OGDH: variants seen among roughly 807,000 people sequenced by gnomAD.
The protein encoded by OGDH is 2-oxoglutarate dehydrogenase complex component E1.
OGDH carries 38 observed loss-of-function variants against 116.6 expected under a neutral mutation model. The ratio of observed to expected loss-of-function variants is 0.33; its 90% confidence interval spans 0.25 to 0.43. The LOEUF (loss-of-function observed/expected upper bound fraction) is 0.43. OGDH is among the 20% of genes least tolerant of loss of function. The pLI is 1.00. For synonymous variants in OGDH, 488 were observed against 533.3 expected, an observed-to-expected ratio of 0.92 and a Z score of 1.17; for missense variants, 825 against 1,357.2, an observed-to-expected ratio of 0.61 and a Z score of 6.16.
At chr7:44,609,293 G>A (rs1784472215) in intron 1 of OGDH, among the ~76,000 whole-genome samples, 1 of 140,126 alleles carries the variant, frequency 7.1e-6, no homozygotes, top group Admixed American at 8.0e-5. Flanking sequence ...GATCGCTTGA[G>A]CCCCAGGAGT....
intron 19 of OGDH, among the ~76,000 whole-genome samples, 184 bp downstream of exon 19, chr7:44,700,453 G>A (rs770174013): frequency 3.3e-5 from 5 of 152,360 alleles, no homozygotes; most frequent in South Asian, 2.1e-4. Context: ...AGGGAACTGC[G>A]TGTTCTGTGT....
intron 18 of OGDH, among the ~76,000 whole-genome samples, chr7:44,699,922 G>C (rs111622286): frequency 6.6e-6 from 1 of 152,136 alleles, no homozygotes; most frequent in Admixed American, 6.5e-5. Context: ...CAGATCTCGT[G>C]TGAACTCAGA....
intron 18 of OGDH, 149 bp from the exon 19 acceptor site, chr7:44,699,992 A>G (rs1452392003): frequency 1.2e-5 from 10 of 841,292 alleles, no homozygotes; most frequent in Non-Finnish European, 1.3e-5. Context: ...ACCTCCCACC[A>G]GGCCCCACCT....
At chr7:44,613,266 C>A (rs1784636673) in intron 1 of OGDH, among the ~76,000 whole-genome samples, 1 of 152,010 alleles carries the variant, frequency 6.6e-6, no homozygotes, top group South Asian at 2.1e-4. Flanking sequence ...ACCTCTGCCT[C>A]CCAGATTCAT....
chr7:44,633,269 A>AC (rs1209231878), intron 2 of OGDH, among the ~76,000 whole-genome samples: 2 of 151,352 alleles, frequency 1.3e-5, no homozygotes, highest in East Asian at 3.9e-4. Flanking sequence ...AAAAAAAAAA[A>AC]AAAAACCCTC....
chr7:44,675,065 G>A (rs1209608532), intron 7 of OGDH, 113 bp from the exon 8 acceptor site: 12 of 809,678 alleles, frequency 1.5e-5, no homozygotes, highest in South Asian at 7.5e-5. Context: ...GCTGCAAACC[G>A]AGGAGGTGCC....
Position 44,674,569 on chromosome 7 carries a change from G to T in OGDH, c.935+12G>T. 6.2e-7 allele frequency: 1 copy of T among 1,613,662 alleles called. No individual in the cohort carries two copies. The highest frequency in any genetic ancestry group is 8.5e-7 in the Non-Finnish European group (1 of 1,179,892). On this transcript the variant is annotated intron_variant, in intron 7 of 22. Coordinates refer to ENST00000222673, the MANE Select transcript of OGDH (RefSeq NM_002541.4). ...GGCATGCCACACAGGTACAGCCAAG[G>T]GCGCGCCCAACCTGGTTTCTCACCA...
intron 2 of OGDH, among the ~76,000 whole-genome samples, chr7:44,643,581 T>A (rs1786044395): frequency 6.6e-6 from 1 of 152,218 alleles, no homozygotes; most frequent in African/African-American, 2.4e-5. Flanking sequence ...TGGGACCATC[T>A]GAGTGACGTA....
Position 44,624,534 on chromosome 7 carries a change from C to T in OGDH, c.191C>T (p.Ala64Val). 6.2e-7 allele frequency: 1 copy of T among 1,613,784 alleles called. No homozygotes were observed. Among genetic ancestry groups the T allele is most frequent in the Non-Finnish European group, 8.5e-7 (1 of 1,180,000 alleles). Residue 64 changes from alanine (A) to valine (V), a missense_variant, in exon 2 of 23, where the codon GCT (alanine) becomes GTT (valine). This residue lies in a region of OGDH where 126 missense variants were observed against 130.4 expected (regional missense o/e 0.97). Transcript: ENST00000222673. ...AACTATGTGGAGGAGATGTACTGTG[C>T]TTGGCTGGAAAACCCCAAAAGTGTA... ...SSNYVEEMYC[A>V]WLENPKSVHK...
At chr7:44,696,162 T>G in intron 13 of OGDH, 35 bp downstream of exon 13, 3 of 1,417,400 alleles carry the variant, frequency 2.1e-6, no homozygotes, top group Non-Finnish European at 3.0e-6. Flanking sequence ...ATAAGCTCCT[T>G]TGAGGATCTG....
At chr7:44,702,693 C>T (rs1445403281) in intron 20 of OGDH, among the ~76,000 whole-genome samples, 6 of 152,090 alleles carry the variant, frequency 3.9e-5, no homozygotes, top group Non-Finnish European at 7.4e-5. Context: ...CCCGGGTTCA[C>T]GCCATTCTCC....
rs113823811 is a variant in OGDH at position 44,696,514 on chromosome 7, T to A, written c.1857T>A (p.Asn619Lys). ...LTEDILTHIG[N>K]VASSVPVENF... is the part of the protein sequence containing the mutation. ...AGGATATTCTGACACACATCGGGAA[T>A]GTGGCTAGTTCTGTGCCTGTGGAAA... Residue 619 changes from asparagine (N) to lysine (K), a missense_variant, in exon 14 of 23, where the codon AAT becomes AAA. This residue lies in a region of OGDH where 92 missense variants were observed against 129.7 expected (regional missense o/e 0.71). Coordinates refer to ENST00000222673, the MANE Select transcript of OGDH (RefSeq NM_002541.4). The A allele has an allele frequency of 6.2e-7, 1 of 1,614,226 alleles. No individual in the cohort carries two copies. The highest frequency in any genetic ancestry group is 8.5e-7 in the Non-Finnish European group (1 of 1,180,042).
intron 1 of OGDH, among the ~76,000 whole-genome samples, chr7:44,607,026 C>A (rs994784386): frequency 6.6e-6 from 1 of 152,176 alleles, no homozygotes; most frequent in Non-Finnish European, 1.5e-5. Context: ...CCCCCAAGGT[C>A]GCCGCGGGCG....
chr7:44,637,674 G>A (rs1029559611), intron 2 of OGDH, among the ~76,000 whole-genome samples: 3 of 152,128 alleles, frequency 2.0e-5, no homozygotes, highest in East Asian at 1.9e-4. Context: ...AACCAGACAC[G>A]ATGGCGGTGC....
At chr7:44,621,232 C>G (rs1048057195) in intron 1 of OGDH, among the ~76,000 whole-genome samples, 1 of 152,142 alleles carries the variant, frequency 6.6e-6, no homozygotes, top group Non-Finnish European at 1.5e-5. Context: ...TGCCACCACA[C>G]CCTGATAGCT....
intron 1 of OGDH, among the ~76,000 whole-genome samples, chr7:44,607,586 G>A (rs1469329361): frequency 1.3e-5 from 2 of 152,216 alleles, no homozygotes; most frequent in Non-Finnish European, 2.9e-5. Context: ...AGTTGCAACA[G>A]TCAAACTGTA....
Position 44,654,852 on chromosome 7 carries a change from C to T in OGDH, c.517+7093C>T, listed in dbSNP as rs142915314. On this transcript the variant is annotated intron_variant, in intron 4 of 22. Transcript: ENST00000222673. ...GAAGTACTGTGGCCAAATCTCCATC[C>T]GCTCCCTCTCTCCTCCCTCACAGCA... Among the ~76,000 whole-genome samples, 23 of 152,246 alleles carry T rather than the reference C, an allele frequency of 1.5e-4. No homozygotes were observed. The East Asian group carries it at 2.3e-3, about 15-fold the overall frequency.
intron 2 of OGDH, among the ~76,000 whole-genome samples, chr7:44,636,091 C>G (rs1352621483): frequency 6.6e-6 from 1 of 152,188 alleles, no homozygotes; most frequent in Non-Finnish European, 1.5e-5. Context: ...GAAAACAGGC[C>G]AGAGAGCTGA....
intron 9 of OGDH, among the ~76,000 whole-genome samples, chr7:44,681,166 A>G (rs529039154): frequency 2.0e-5 from 3 of 152,358 alleles, no homozygotes; most frequent in East Asian, 3.9e-4. Flanking sequence ...CTCACAAAAT[A>G]CTACCACTAT....
Sources: gnomAD v4.1 joint callset for allele counts (sites outside exome capture counted in the v4.1 genomes callset) on GRCh38, gnomAD v4.1.1 for gene constraint, gnomAD v4.1.1 regional missense constraint, MANE v1.5 for transcripts, NCBI Gene and HGNC (gene_info 2026-07-23, HGNC 2026-07-21) for gene names.